S1PR5: variants seen among roughly 807,000 people sequenced by gnomAD.
S1PR5 encodes sphingosine 1-phosphate receptor 5.
For missense variants in S1PR5, 583 were observed against 571.7 expected (o/e 1.02, Z -0.20); for synonymous variants, 307 against 284.7 (o/e 1.08, Z -0.79).
rs918423351 is a variant in S1PR5, at chr19:10,513,644, C to T, written c.*171G>A. On this transcript the variant is annotated 3_prime_UTR_variant, in exon 2 of 2. Transcript: ENST00000333430. Reference sequence around the variant, plus strand: ...GTGTTCCCAAGCAGAACGTCAATTCCACGAGGGCACAGATTTTTTGTCTGT... The same window carrying T: ...GTGTTCCCAAGCAGAACGTCAATTCTACGAGGGCACAGATTTTTTGTCTGT... 5.6e-5 allele frequency: 50 copies of T among 892,614 alleles called. No homozygotes were observed. Among genetic ancestry groups the T allele is most frequent in the Admixed American group, 9.2e-5 (3 of 32,436 alleles). The allele number at this position is 892,614 out of a possible 1,614,324, so 55.3% of individuals were successfully genotyped here. A position where few individuals can be genotyped will look rare whatever the true frequency, so the allele number is the denominator to read the frequency against.
intron 1 of S1PR5, 47 bp downstream of exon 1, chr19:10,517,351 G>T: frequency 1.0e-6 from 1 of 984,604 alleles, no homozygotes; most frequent in Non-Finnish European, 1.2e-6. Context: ...CCCCCTCCGG[G>T]TCAGGCCCAG....
Position 10,513,996 on chromosome 19 carries a change from G to C in S1PR5, c.1016C>G (p.Ala339Gly). ...GRDPSGSQQS[A>G]SAAEASGGLR... is the part of the protein sequence containing the mutation. ...GCCCCCGGAAGCCTCAGCCGCGCTC[G>C]CCGACTGCTGGGAGCCACTCGGGTC... The change falls in exon 2 of 2, where the codon GCG becomes GGG. Residue 339 changes from alanine (A) to glycine (G), a missense_variant. By Grantham distance (60) the Ala-to-Gly change is moderately conservative. Transcript: ENST00000333430. 2 of 1,602,522 alleles carry C rather than the reference G, an allele frequency of 1.2e-6. No individual in the cohort carries two copies. The highest frequency in any genetic ancestry group is 1.7e-6 in the Non-Finnish European group (2 of 1,175,720).
At position 10,517,444 on chromosome 19, in the gene S1PR5, G is replaced by T; in HGVS notation, c.-65C>A. The T allele has an allele frequency of 1.0e-6, 1 of 985,642 alleles. No homozygotes were observed. The highest frequency in any genetic ancestry group is 1.2e-6 in the Non-Finnish European group (1 of 830,094). The allele number at this position is 985,642 out of a possible 1,614,324, so 61.1% of individuals were successfully genotyped here. ...ACCCGCAGTCGCGCTGCCTTGAACC[G>T]AGTGAGCGGACGCCGCTCCGGGGGC... On this transcript the variant is annotated 5_prime_UTR_variant, in exon 1 of 2. Coordinates refer to ENST00000333430, the MANE Select transcript of S1PR5 (RefSeq NM_030760.5).
chr19:10,516,061 C>G (rs1466478890), intron 1 of S1PR5, among the ~76,000 whole-genome samples: 1 of 152,120 alleles, frequency 6.6e-6, no homozygotes, highest in East Asian at 1.9e-4. Flanking sequence ...GGGCAAAACA[C>G]ACAGTCACAC....
chr19:10,513,418 T>C lies in S1PR5; in HGVS notation c.*397A>G, dbSNP rs929290156. ...GCATCGCTGCATTTCTTAGAACACA[T>C]GGGCACATTTCAGCCTCAGGGCCTT... On this transcript the variant is annotated 3_prime_UTR_variant, in exon 2 of 2. Transcript: ENST00000333430. 12 of 465,912 alleles carry C rather than the reference T, an allele frequency of 2.6e-5. No homozygotes were observed. The highest frequency in any genetic ancestry group is 3.9e-5 in the Admixed American group (1 of 25,584). 28.9% of individuals were successfully genotyped at this position (465,912 alleles called of 1,614,324 possible).
rs1194671448 is a variant in S1PR5, at chr19:10,513,990, G to A, written c.1022C>T (p.Ala341Val). The change falls in exon 2 of 2, where the codon GCG (alanine) becomes GTG (valine). Residue 341 changes from alanine (A) to valine (V), a missense_variant. Coordinates refer to ENST00000333430, the MANE Select transcript of S1PR5 (RefSeq NM_030760.5). ...DPSGSQQSASAAEASGGLRRC... is the reference protein window; with the variant it reads ...DPSGSQQSASVAEASGGLRRC... ...GCGCAGGCCCCCGGAAGCCTCAGCC[G>A]CGCTCGCCGACTGCTGGGAGCCACT... 1.2e-6 allele frequency: 2 copies of A among 1,601,616 alleles called. No homozygotes were observed. The highest frequency in any genetic ancestry group is 1.3e-5 in the African/African-American group (1 of 74,748).
Position 10,513,991 on chromosome 19 carries a change from C to G in S1PR5, c.1021G>C (p.Ala341Pro). 6.2e-7 allele frequency: 1 copy of G among 1,601,272 alleles called. No individual in the cohort carries two copies. Among genetic ancestry groups the G allele is most frequent in the Non-Finnish European group, 8.5e-7 (1 of 1,175,158 alleles). ...DPSGSQQSAS[A>P]AEASGGLRRC... The stretch of plus-strand genomic sequence containing the variant: ...CGCAGGCCCCCGGAAGCCTCAGCCG[C>G]GCTCGCCGACTGCTGGGAGCCACTC... Residue 341 changes from alanine (A) to proline (P), a missense_variant, in exon 2 of 2, where the codon GCG becomes CCG. Physicochemically the swap from Ala to Pro is conservative, Grantham distance 27. Transcript: ENST00000333430.
Position 10,514,992 on chromosome 19 carries a change from C to T in S1PR5, c.20G>A (p.Arg7Gln). The stretch of plus-strand genomic sequence containing the variant: ...GATGACCTCGCTCACCGGCGCCGGC[C>T]GCAGCAGCCCCGACTCCATGGGCCG... Reference protein sequence around the residue: MESGLLRPAPVSEVIVL... With the variant: MESGLLQPAPVSEVIVL... The change falls in exon 2 of 2, where the codon CGG becomes CAG. Residue 7 changes from arginine (R) to glutamine (Q), a missense_variant. Coordinates refer to ENST00000333430, the MANE Select transcript of S1PR5 (RefSeq NM_030760.5). The T allele has an allele frequency of 2.5e-6, 4 of 1,570,802 alleles. No homozygotes were observed. The highest frequency in any genetic ancestry group is 3.4e-6 in the Non-Finnish European group (4 of 1,163,124).
chr19:10,514,233 A>C lies in S1PR5; in HGVS notation c.779T>G (p.Phe260Cys). 1 of 1,606,412 alleles carries C rather than the reference A, an allele frequency of 6.2e-7. No homozygotes were observed. The highest frequency in any genetic ancestry group is 8.5e-7 in the Non-Finnish European group (1 of 1,176,908). ...GAAGAGGGGGCCCCAACATGCCACA[A>C]AGGCCAGGAGCACCACGCTGAGCGT... ...LRTLSVVLLA[F>C]VACWGPLFLL... is the part of the protein sequence containing the mutation. Residue 260 changes from phenylalanine to cysteine, a missense_variant, in exon 2 of 2, where the codon TTT becomes TGT. Phe to Cys is a radical substitution (Grantham distance 205, BLOSUM62 -2). Coordinates refer to ENST00000333430, the MANE Select transcript of S1PR5 (RefSeq NM_030760.5).
Position 10,513,665 on chromosome 19 carries a change from T to C in S1PR5, c.*150A>G. 8.9e-7 allele frequency: 1 copy of C among 1,120,444 alleles called. No individual in the cohort carries two copies. Among genetic ancestry groups the C allele is most frequent in the South Asian group, 1.6e-5 (1 of 63,834 alleles). The allele number at this position is 1,120,444 out of a possible 1,614,324, so 69.4% of individuals were successfully genotyped here. On this transcript the variant is annotated 3_prime_UTR_variant, in exon 2 of 2. Transcript: ENST00000333430. The stretch of plus-strand genomic sequence containing the variant: ...ATTCCACGAGGGCACAGATTTTTTG[T>C]CTGTTTGTTCACATTGTGGGGTGTC...
At chr19:10,515,428 G>A (rs979607868) in intron 1 of S1PR5, among the ~76,000 whole-genome samples, 9 of 151,956 alleles carry the variant, frequency 5.9e-5, no homozygotes, top group Admixed American at 1.3e-4. Context: ...TGGCTAACAC[G>A]GTGAACCCCT....
intron 1 of S1PR5, among the ~76,000 whole-genome samples, chr19:10,515,363 C>T (rs1915412825): frequency 6.6e-6 from 1 of 152,068 alleles, no homozygotes; most frequent in African/African-American, 2.4e-5. Flanking sequence ...GGCAGTGGCT[C>T]AGGCCTGGGA....
chr19:10,516,607 CAAAAAAAA>C (rs113615794), intron 1 of S1PR5, among the ~76,000 whole-genome samples: 1 of 91,824 alleles, frequency 1.1e-5, no homozygotes, highest in Non-Finnish European at 2.1e-5. Context: ...AACTCCGTCT[CAAAAAAAA>C]AAAAAAAAAA....
In S1PR5 at chr19:10,513,635, C is replaced by T. The variant is rs1165011362; in HGVS notation, c.*180G>A. 5 of 787,948 alleles carry T rather than the reference C, an allele frequency of 6.3e-6. No homozygotes were observed. The highest frequency in any genetic ancestry group is 5.4e-5 in the African/African-American group (3 of 55,632). The allele number at this position is 787,948 out of a possible 1,614,324, so 48.8% of individuals were successfully genotyped here. A position where few individuals can be genotyped will look rare whatever the true frequency, so the allele number is the denominator to read the frequency against. ...TTCTTTTCTGTGTTCCCAAGCAGAACGTCAATTCCACGAGGGCACAGATTT... is the reference window on the plus strand; with the variant it reads ...TTCTTTTCTGTGTTCCCAAGCAGAATGTCAATTCCACGAGGGCACAGATTT... On this transcript the variant is annotated 3_prime_UTR_variant, in exon 2 of 2. Coordinates refer to ENST00000333430, the MANE Select transcript of S1PR5 (RefSeq NM_030760.5).
chr19:10,513,798 G>A lies in S1PR5; in HGVS notation c.*17C>T. The A allele has an allele frequency of 6.2e-7, 1 of 1,610,678 alleles. No individual in the cohort carries two copies. ...CAAGTCTGTAAAACTTGGGAAGACAGTCGTGGGCCGAGGGTGTCAGTCTGC... is the reference window on the plus strand; with the variant it reads ...CAAGTCTGTAAAACTTGGGAAGACAATCGTGGGCCGAGGGTGTCAGTCTGC... On this transcript the variant is annotated 3_prime_UTR_variant, in exon 2 of 2. Transcript: ENST00000333430.
In S1PR5 at chr19:10,514,391, A is replaced by C. The variant is rs6511701; in HGVS notation, c.621T>G (p.Ala207=). 0.79 allele frequency: 1,268,249 copies of C among 1,602,702 alleles called. 502,913 individuals carry two copies. The highest frequency in any genetic ancestry group is 0.89 in the South Asian group (79,317 of 89,464). Residue 207 remains alanine (A), a synonymous_variant, in exon 2 of 2, where the codon GCT becomes GCG. Transcript: ENST00000333430. ...AGATGCGCGCGTAGAGTGCACAGAT[A>C]GCGGCCAGGATGCCCACGAAGGCGA... ...CVLAFVGILA[A]ICALYARIYC... is the part of the protein sequence containing the mutation.
rs533266717 is a variant in S1PR5, at chr19:10,514,143, G to T, written c.869C>A (p.Pro290His). 1 of 1,612,972 alleles carries T rather than the reference G, an allele frequency of 6.2e-7. No homozygotes were observed. Among genetic ancestry groups the T allele is most frequent in the Non-Finnish European group, 8.5e-7 (1 of 1,179,824 alleles). Reference sequence around the variant, plus strand: ...GTTGGCCATGGCCAGTCCCAGGAAGGGATCGGCCTGCAGGAGTACAGGACA... The same window carrying T: ...GTTGGCCATGGCCAGTCCCAGGAAGTGATCGGCCTGCAGGAGTACAGGACA... Reference protein sequence around the residue: ...RTCPVLLQADPFLGLAMANSL... With the variant: ...RTCPVLLQADHFLGLAMANSL... The change falls in exon 2 of 2, where the codon CCC (proline) becomes CAC (histidine). Residue 290 changes from proline (P) to histidine (H), a missense_variant. By Grantham distance (77) the Pro-to-His change is moderately conservative (BLOSUM62 -2). Transcript: ENST00000333430.
Position 10,514,599 on chromosome 19 carries a change from G to A in S1PR5, c.413C>T (p.Ala138Val). The part of the protein sequence containing the change: ...AIALERSLTM[A>V]RRGPAPVSSR... ...GGAGACGGGCGCGGGCCCCCTGCGCGCCATGGTGAGGCTGCGCTCCAGCGC... is the reference window on the plus strand; with the variant it reads ...GGAGACGGGCGCGGGCCCCCTGCGCACCATGGTGAGGCTGCGCTCCAGCGC... The change falls in exon 2 of 2, where the codon GCG becomes GTG. Residue 138 changes from alanine to valine, a missense_variant. Transcript: ENST00000333430. The A allele has an allele frequency of 1.3e-6, 2 of 1,581,922 alleles. No homozygotes were observed. The highest frequency in any genetic ancestry group is 1.7e-6 in the Non-Finnish European group (2 of 1,166,280).
intron 1 of S1PR5, among the ~76,000 whole-genome samples, chr19:10,515,699 G>A (rs7256518): frequency 0.94 from 143,328 of 151,958 alleles, 67,614 homozygotes; most frequent in East Asian, 1. Flanking sequence ...AGGCTGAGGC[G>A]GGAGGATTGT....
Sources: allele counts gnomAD v4.1 joint callset (sites outside exome capture counted in the v4.1 genomes callset), GRCh38; gene constraint gnomAD v4.1.1; transcripts MANE v1.5; gene names NCBI Gene and HGNC (gene_info 2026-07-23, HGNC 2026-07-21).